Variants in RFX2 observed in about 807,000 individuals in gnomAD.
RFX2 encodes the protein DNA-binding protein RFX2.
RFX2 carries 20 observed loss-of-function variants against 87.8 expected under a neutral mutation model. The ratio of observed to expected loss-of-function variants is 0.23; its 90% CI spans 0.16 to 0.33. RFX2 has a LOEUF of 0.33. Ranked by LOEUF, RFX2 falls within the 10% of genes least tolerant of loss-of-function variation. The probability of loss-of-function intolerance (pLI) is 1.00; values close to 1 mark genes in which losing one functional copy is unlikely to be tolerated. For synonymous variants in RFX2, 397 were observed against 431.3 expected (o/e 0.92, Z 0.98); for missense variants, 767 against 1,012.3 (o/e 0.76, Z 3.29).
rs904657308 is a variant in RFX2 at position 6,004,893 on chromosome 19, C to T, written c.1403-595G>A. 2.0e-5 allele frequency among the ~76,000 whole-genome samples: 3 copies of T among 151,648 alleles called. No individual in the cohort carries two copies. The highest frequency in any genetic ancestry group is 4.8e-5 in the African/African-American group (2 of 41,272). The stretch of plus-strand genomic sequence containing the variant: ...CAGCACTTTGGGAGGCCGAGGTGGG[C>T]GGATCACCTGAGGTCCGGAGTTCGA... On this transcript the variant is annotated intron_variant, in intron 12 of 17. Transcript: ENST00000303657. This position sits in a 1 kb window ranked among gnomAD's most constrained non-coding sequence, Gnocchi z 4.8.
At chr19:6,042,776 T>C (rs1349139657) in intron 3 of RFX2, among the ~76,000 whole-genome samples, 1 of 152,132 alleles carries the variant, frequency 6.6e-6, no homozygotes, top group Non-Finnish European at 1.5e-5. Context: ...CTCTGAAACA[T>C]CAGTTCAGAG....
chr19:6,018,382 G>A (rs767337651), intron 6 of RFX2, among the ~76,000 whole-genome samples: 2 of 152,220 alleles, frequency 1.3e-5, no homozygotes, highest in Non-Finnish European at 2.9e-5. Flanking sequence ...GATCCAGCCT[G>A]TCCTGGCCCC....
chr19:5,996,992 C>T (rs1350465968), intron 16 of RFX2, 68 bp downstream of exon 16: 15 of 1,513,384 alleles, frequency 9.9e-6, no homozygotes, highest in Non-Finnish European at 1.3e-5. Flanking sequence ...CTGGGCTGCT[C>T]AGAGCACACC....
chr19:6,001,996 C>T lies in RFX2; in HGVS notation c.1678G>A (p.Glu560Lys), dbSNP rs932827933. Residue 560 changes from glutamate to lysine, a missense_variant, in exon 15 of 18, where the codon GAG (glutamate) becomes AAG (lysine). Transcript: ENST00000303657. The surrounding 1 kb of genome is among the most constrained non-coding windows in gnomAD (Gnocchi z 5.6). ...TCCAGCCGCTGCACCACACTCTCCTCGCACTGGCACACCCACGAGGCCTGC... is the reference window on the plus strand; with the variant it reads ...TCCAGCCGCTGCACCACACTCTCCTTGCACTGGCACACCCACGAGGCCTGC... ...QEQASWVCQCEESVVQRLEQD... is the reference protein window; with the variant it reads ...QEQASWVCQCKESVVQRLEQD... 9 of 1,610,660 alleles carry T rather than the reference C, an allele frequency of 5.6e-6. No homozygotes were observed. In the Admixed American group the frequency reaches 6.7e-5, roughly 12 times the overall value.
intron 2 of RFX2, among the ~76,000 whole-genome samples, chr19:6,046,633 T>G (rs1304858446): frequency 7.8e-6 from 1 of 128,852 alleles, no homozygotes; most frequent in Non-Finnish European, 1.6e-5. Flanking sequence ...TTTTTTTTTG[T>G]CACTTAGGTT....
intron 1 of RFX2, among the ~76,000 whole-genome samples, chr19:6,066,881 A>G (rs1308595595): frequency 6.6e-6 from 1 of 152,166 alleles, no homozygotes; most frequent in Non-Finnish European, 1.5e-5. Context: ...TTCCCAAACC[A>G]AACAATGTCA....
Position 6,095,994 on chromosome 19 carries a change from C to T in RFX2, c.-9+14399G>A, listed in dbSNP as rs573932208. The stretch of plus-strand genomic sequence containing the variant: ...GTCTACATCTGCTTTCAAGCTCCAT[C>T]GGGAGAGCTGAGTAGTTGAGATAGT... On this transcript the variant is annotated intron_variant, in intron 1 of 17. Coordinates refer to ENST00000303657, the MANE Select transcript of RFX2 (RefSeq NM_000635.4). Among the ~76,000 whole-genome samples the T allele has an allele frequency of 4.6e-5, 7 of 152,300 alleles. No homozygotes were observed. The South Asian group carries it at 6.2e-4, about 14-fold the overall frequency.
At chr19:6,098,440 G>A (rs750719333) in intron 1 of RFX2, among the ~76,000 whole-genome samples, 2 of 152,058 alleles carry the variant, frequency 1.3e-5, no homozygotes, top group East Asian at 1.9e-4. Context: ...AGTGAGATGC[G>A]TTTTCGTCCA....
Position 6,013,188 on chromosome 19 carries a change from CTTCT to C in RFX2, c.780-87_780-84del. ...AGGTTGGGATTCTTTTTCTTTCTTT[CTTCT>C]TTTTTTTTTTTGAGACAGAATCTCA... On this transcript the variant is annotated intron_variant, in intron 7 of 17. Coordinates refer to ENST00000303657, the MANE Select transcript of RFX2 (RefSeq NM_000635.4). This position sits in a 1 kb window ranked among gnomAD's most constrained non-coding sequence, Gnocchi z 4.1. 4 of 1,361,558 alleles carry C rather than the reference CTTCT, an allele frequency of 2.9e-6. No individual in the cohort carries two copies. Among genetic ancestry groups the C allele is most frequent in the Admixed American group, 2.7e-5 (1 of 37,696 alleles). The allele number at this position is 1,361,558 out of a possible 1,614,324, so 84.3% of individuals were successfully genotyped here.
chr19:6,006,667 C>A (rs1199519524), intron 12 of RFX2, among the ~76,000 whole-genome samples: 1 of 151,904 alleles, frequency 6.6e-6, no homozygotes, highest in Admixed American at 6.6e-5. Context: ...TCACACTGGT[C>A]TCAAACTCCT....
In RFX2 at chr19:6,026,159, T is replaced by C. The variant is rs761309013; in HGVS notation, c.597+4A>G. The stretch of plus-strand genomic sequence containing the variant: ...ACAGGTTGCCAGGTCAGACGCACAC[T>C]TACATGGCTGTTGAGTAAACCGCTT... On this transcript the variant is annotated splice_donor_region_variant and intron_variant, in intron 6 of 17. Transcript: ENST00000303657. The surrounding 1 kb of genome is among the most constrained non-coding windows in gnomAD (Gnocchi z 4.5). 1 of 1,613,082 alleles carries C rather than the reference T, an allele frequency of 6.2e-7. No individual in the cohort carries two copies. The highest frequency in any genetic ancestry group is 1.3e-5 in the African/African-American group (1 of 74,962).
chr19:5,994,226 C>T lies in RFX2; in HGVS notation c.*609G>A, dbSNP rs2086371927. The T allele has an allele frequency of 6.6e-6, 1 of 152,316 alleles. No homozygotes were observed. Among genetic ancestry groups the T allele is most frequent in the Non-Finnish European group, 1.5e-5 (1 of 68,120 alleles). 9.4% of individuals were successfully genotyped at this position (152,316 alleles called of 1,614,324 possible). A position where few individuals can be genotyped will look rare whatever the true frequency, so the allele number is the denominator to read the frequency against. ...GCACAGCCGGCCTCCCGCCTCGGGG[C>T]ATCCGGCAGGGAGGTCTGGATCTAA... On this transcript the variant is annotated 3_prime_UTR_variant, in exon 18 of 18. Transcript: ENST00000303657.
At chr19:6,053,455 A>C (rs2087290746) in intron 1 of RFX2, among the ~76,000 whole-genome samples, 1 of 152,220 alleles carries the variant, frequency 6.6e-6, no homozygotes, top group Admixed American at 6.5e-5. Flanking sequence ...AGAATGTACA[A>C]CACCAACAGT....
At position 6,076,705 on chromosome 19, in the gene RFX2, C is replaced by A. The variant is rs367906218; in HGVS notation, c.-8-29201G>T. Among the ~76,000 whole-genome samples the A allele has an allele frequency of 8.5e-5, 13 of 152,154 alleles. No homozygotes were observed. In the East Asian group the frequency reaches 1.5e-3, roughly 18 times the overall value. ...GTAATTCACACCATTATAACGTAAC[C>A]CACATAATTTACTGATTTTTTGCAG... On this transcript the variant is annotated intron_variant, in intron 1 of 17. Coordinates refer to ENST00000303657, the MANE Select transcript of RFX2 (RefSeq NM_000635.4).
chr19:6,096,317 C>A (rs1436263793), intron 1 of RFX2, among the ~76,000 whole-genome samples: 5 of 152,180 alleles, frequency 3.3e-5, no homozygotes, highest in Admixed American at 3.3e-4. Flanking sequence ...TAATGTGATA[C>A]CCTGCAGGTT....
At chr19:6,029,499 G>A (rs1311128630) in intron 5 of RFX2, among the ~76,000 whole-genome samples, 2 of 151,954 alleles carry the variant, frequency 1.3e-5, no homozygotes, top group Non-Finnish European at 2.9e-5. Flanking sequence ...CTTAAAGTCA[G>A]GAGTTCAGGG....
At chr19:6,085,384 C>T (rs1264797181) in intron 1 of RFX2, among the ~76,000 whole-genome samples, 1 of 152,200 alleles carries the variant, frequency 6.6e-6, no homozygotes, top group Non-Finnish European at 1.5e-5. Context: ...TGGTATGAAG[C>T]ACCTTTCCAA....
rs565662824 is a variant in RFX2 at position 6,020,102 on chromosome 19, G to A, written c.598-3831C>T. 1 of 152,442 alleles carries A rather than the reference G, an allele frequency of 6.6e-6. No individual in the cohort carries two copies. The highest frequency in any genetic ancestry group is 1.9e-4 in the East Asian group (1 of 5,178). 9.4% of individuals were successfully genotyped at this position (152,442 alleles called of 1,614,324 possible). ...ACATCTCAAGGAGCCAAATGACGAT[G>A]CGGATTTTCAGGCTAAAACTGTGAG... On this transcript the variant is annotated intron_variant, in intron 6 of 17. Coordinates refer to ENST00000303657, the MANE Select transcript of RFX2 (RefSeq NM_000635.4). This position sits in a 1 kb window ranked among gnomAD's most constrained non-coding sequence, Gnocchi z 5.3.
In RFX2 at chr19:6,022,488, C is replaced by T. The variant is rs1334872160; in HGVS notation, c.597+3675G>A. Reference sequence around the variant, plus strand: ...GCGCCACCTCATGGTGACAGAGACTCGGTGAACCTGCTACGGGGTCCCGGT... The same window carrying T: ...GCGCCACCTCATGGTGACAGAGACTTGGTGAACCTGCTACGGGGTCCCGGT... On this transcript the variant is annotated intron_variant, in intron 6 of 17. Coordinates refer to ENST00000303657, the MANE Select transcript of RFX2 (RefSeq NM_000635.4). The surrounding 1 kb of genome is among the most constrained non-coding windows in gnomAD (Gnocchi z 6.2). Among the ~76,000 whole-genome samples, 4 of 152,230 alleles carry T rather than the reference C, an allele frequency of 2.6e-5. No individual in the cohort carries two copies. Among genetic ancestry groups the T allele is most frequent in the Admixed American group, 6.5e-5 (1 of 15,280 alleles).
Sources: allele counts gnomAD v4.1 joint callset (sites outside exome capture counted in the v4.1 genomes callset), GRCh38; gene constraint gnomAD v4.1.1; non-coding constraint Gnocchi (gnomAD v3.1); transcripts MANE v1.5; gene names NCBI Gene and HGNC (gene_info 2026-07-23, HGNC 2026-07-21).